Variants in ZSCAN5A observed in about 807,000 individuals in gnomAD.
ZSCAN5A encodes zinc finger and SCAN domain containing 5A.
In ZSCAN5A, 12 loss-of-function variants were observed where a neutral mutation model predicts 23.7. The ratio of observed to expected loss-of-function variants is 0.51; its 90% CI spans 0.32 to 0.82. The LOEUF is 0.82. ZSCAN5A is among the 40% of genes least tolerant of loss of function. ZSCAN5A has a pLI of 0.03. For missense variants in ZSCAN5A, 597 were observed against 617.9 expected (o/e 0.97, Z 0.36); for synonymous variants, 257 against 239.9 (o/e 1.07, Z -0.66).
chr19:56,356,563 C>A (rs372885873), intron 2 of ZSCAN5A, among the ~76,000 whole-genome samples: 1 of 147,486 alleles, frequency 6.8e-6, no homozygotes, highest in African/African-American at 2.6e-5. Flanking sequence ...GGGGTGGGGA[C>A]GGGGGCGCTA....
intron 2 of ZSCAN5A, among the ~76,000 whole-genome samples, chr19:56,263,902 C>A (rs537168768): frequency 2.2e-4 from 33 of 151,914 alleles, no homozygotes; most frequent in Non-Finnish European, 4.4e-4. Context: ...GTTTTACAAC[C>A]TTCACCTCAT....
At chr19:56,243,672 T>C (rs11084437) in intron 2 of ZSCAN5A, among the ~76,000 whole-genome samples, 57,542 of 151,950 alleles carry the variant, frequency 0.38, 11,132 homozygotes, top group South Asian at 0.45. Context: ...GTTGTTCCAA[T>C]TGAAAAAAAA....
At position 56,284,188 on chromosome 19, in the gene ZSCAN5A, C is replaced by A. The variant is rs1276528238; in HGVS notation, c.-128+29095G>T. On this transcript the variant is annotated intron_variant, in intron 2 of 5. Coordinates refer to ENST00000683990, the MANE Select transcript of ZSCAN5A (RefSeq NM_001322064.3). ...CACCATGCTGACTCTCCTGGATGGGCTGCCATCAGGGATCATAGGTAAGTA... is the reference window on the plus strand; with the variant it reads ...CACCATGCTGACTCTCCTGGATGGGATGCCATCAGGGATCATAGGTAAGTA... 4.1e-6 allele frequency: 4 copies of A among 985,222 alleles called. No individual in the cohort carries two copies. The Admixed American group carries it at 1.8e-4, about 45-fold the overall frequency. The allele number at this position is 985,222 out of a possible 1,614,324, so 61.0% of individuals were successfully genotyped here.
Position 56,246,876 on chromosome 19 carries a change from A to C in ZSCAN5A, c.-127-21703T>G, listed in dbSNP as rs73937209. The C allele has an allele frequency of 2.0e-3, 3,172 of 1,610,458 alleles. 33 individuals are homozygous for C. The highest frequency in any genetic ancestry group is 0.016 in the South Asian group (1,499 of 91,020). Reference sequence around the variant, plus strand: ...GCAGAGGAGACGCTCTGAATCTGAGATGTCCCAAAAGAAGCAAACCAGACG... The same window carrying C: ...GCAGAGGAGACGCTCTGAATCTGAGCTGTCCCAAAAGAAGCAAACCAGACG... On this transcript the variant is annotated intron_variant, in intron 2 of 5. Coordinates refer to ENST00000683990, the MANE Select transcript of ZSCAN5A (RefSeq NM_001322064.3).
intron 2 of ZSCAN5A, chr19:56,283,545 G>A (rs1284960930): frequency 6.6e-6 from 1 of 152,112 alleles, no homozygotes; most frequent in Non-Finnish European, 1.5e-5. Flanking sequence ...CAGTGATACC[G>A]AGAAAGGTGT....
At chr19:56,334,873 A>G (rs1020610968) in intron 2 of ZSCAN5A, among the ~76,000 whole-genome samples, 8 of 152,220 alleles carry the variant, frequency 5.3e-5, no homozygotes, top group Non-Finnish European at 2.9e-5. Flanking sequence ...TGAAAACACA[A>G]AAAGTCAGAG....
chr19:56,230,423 T>C (rs980189841), intron 2 of ZSCAN5A, among the ~76,000 whole-genome samples: 1 of 152,190 alleles, frequency 6.6e-6, no homozygotes, highest in Non-Finnish European at 1.5e-5. Context: ...AGGGTGAAGT[T>C]TGGAAACAGG....
At chr19:56,336,048 G>T (rs1473095463) in intron 2 of ZSCAN5A, among the ~76,000 whole-genome samples, 3 of 151,612 alleles carry the variant, frequency 2.0e-5, no homozygotes, top group African/African-American at 7.3e-5. Context: ...TGGTGAATCT[G>T]ACAATTATGT....
In ZSCAN5A at chr19:56,292,890, C is replaced by T. The variant is rs976725304; in HGVS notation, c.-128+20393G>A. On this transcript the variant is annotated intron_variant, in intron 2 of 5. Coordinates refer to ENST00000683990, the MANE Select transcript of ZSCAN5A (RefSeq NM_001322064.3). ...GGTTCAGCCACATTGTGGCCTGTGA[C>T]AGTGCTTCACTCCTTTTCATGGCTG... is the stretch of plus-strand genomic sequence containing the variant. Among the ~76,000 whole-genome samples, 10 of 152,350 alleles carry T rather than the reference C, an allele frequency of 6.6e-5. No homozygotes were observed. In the East Asian group the frequency reaches 1.9e-3, roughly 29 times the overall value.
At chr19:56,308,720 A>G (rs997043458) in intron 2 of ZSCAN5A, among the ~76,000 whole-genome samples, 5 of 151,358 alleles carry the variant, frequency 3.3e-5, no homozygotes, top group African/African-American at 1.2e-4. Context: ...CTGTCTACCT[A>G]GAAAAGTCCT....
chr19:56,346,375 T>A (rs2147454558), intron 2 of ZSCAN5A, among the ~76,000 whole-genome samples: 1 of 152,180 alleles, frequency 6.6e-6, no homozygotes, highest in Middle Eastern at 3.4e-3. Flanking sequence ...TATCTAGGGA[T>A]CATGGGTCAC....
At chr19:56,251,657 C>G (rs1222112329) in intron 2 of ZSCAN5A, among the ~76,000 whole-genome samples, 1 of 152,116 alleles carries the variant, frequency 6.6e-6, no homozygotes, top group African/African-American at 2.4e-5. Flanking sequence ...TCCTGGGCAC[C>G]AGCTTCCAGC....
intron 2 of ZSCAN5A, among the ~76,000 whole-genome samples, chr19:56,358,652 C>T (rs1454963854): frequency 2.6e-5 from 4 of 152,170 alleles, no homozygotes; most frequent in African/African-American, 9.7e-5. Flanking sequence ...ATGGCACTTA[C>T]TCTAAAATTG....
intron 2 of ZSCAN5A, among the ~76,000 whole-genome samples, chr19:56,334,512 C>A (rs2041517325): frequency 6.6e-6 from 1 of 151,882 alleles, no homozygotes; most frequent in African/African-American, 2.4e-5. Flanking sequence ...TTATGGGTTA[C>A]ATGAAATATT....
chr19:56,343,221 C>G (rs1164486614), intron 2 of ZSCAN5A: 2 of 795,286 alleles, frequency 2.5e-6, no homozygotes, highest in Non-Finnish European at 4.2e-6. Flanking sequence ...TCCAAAGCAA[C>G]TTCTTTCTGG....
intron 2 of ZSCAN5A, among the ~76,000 whole-genome samples, chr19:56,346,435 T>A (rs1355640755): frequency 6.6e-6 from 1 of 151,724 alleles, no homozygotes; most frequent in African/African-American, 2.4e-5. Flanking sequence ...AAAAACCTCA[T>A]CTTTCCTGTT....
intron 2 of ZSCAN5A, chr19:56,244,252 T>C (rs1182238478): frequency 2.5e-6 from 4 of 1,603,796 alleles, no homozygotes; most frequent in African/African-American, 2.7e-5. Context: ...AGCTGTGCCA[T>C]CTGTGGCTGA....
chr19:56,308,733 T>A (rs1439432085), intron 2 of ZSCAN5A, among the ~76,000 whole-genome samples: 2 of 152,018 alleles, frequency 1.3e-5, no homozygotes, highest in African/African-American at 4.8e-5. Flanking sequence ...AAAGTCCTCC[T>A]CAGTCCTCAA....
At chr19:56,239,153 T>C (rs2035213506) in intron 2 of ZSCAN5A, among the ~76,000 whole-genome samples, 1 of 152,188 alleles carries the variant, frequency 6.6e-6, no homozygotes, top group Admixed American at 6.5e-5. Flanking sequence ...ACAGGGAGCT[T>C]GAAGTTCACA....
Sources: allele counts gnomAD v4.1 joint callset (sites outside exome capture counted in the v4.1 genomes callset), GRCh38; gene constraint gnomAD v4.1.1; transcripts MANE v1.5; gene names NCBI Gene and HGNC (gene_info 2026-07-23, HGNC 2026-07-21).